RTN1: variants seen among roughly 807,000 people sequenced by gnomAD.
RTN1 encodes the protein reticulon-1.
A neutral mutation model predicts 65.5 loss-of-function variants in RTN1; 25 were observed. That is an observed-to-expected ratio of 0.38 (90% CI 0.28 to 0.53). The LOEUF is 0.53. RTN1 is among the 20% of genes least tolerant of loss of function. RTN1 has a pLI of 0.79. For synonymous variants in RTN1, 471 were observed against 447.6 expected (o/e 1.05, Z -0.66); for missense variants, 983 against 1,025.4 (o/e 0.96, Z 0.57).
chr14:59,631,454 C>T (rs1882553098), intron 3 of RTN1, among the ~76,000 whole-genome samples: 1 of 152,118 alleles, frequency 6.6e-6, no homozygotes, highest in Non-Finnish European at 1.5e-5. Flanking sequence ...TGGGATTGAC[C>T]ACTGGGGGGC....
Position 59,726,999 on chromosome 14 carries a change from T to G in RTN1, c.1685A>C (p.Gln562Pro). The G allele has an allele frequency of 6.8e-6, 11 of 1,613,512 alleles. No homozygotes were observed. Among genetic ancestry groups the G allele is most frequent in the Non-Finnish European group, 9.3e-6 (11 of 1,179,754 alleles). ...AGGGCCCTTTGTGGCCGCAGGACTTTGGTTGGAACTCGAGTCTTCTTCAGG... is the reference window on the plus strand; with the variant it reads ...AGGGCCCTTTGTGGCCGCAGGACTTGGGTTGGAACTCGAGTCTTCTTCAGG... ...RKPEEDSSSNQSPAATKGPGP... is the reference protein window; with the variant it reads ...RKPEEDSSSNPSPAATKGPGP... Residue 562 changes from glutamine (Q) to proline (P), a missense_variant, in exon 3 of 9, where the codon CAA becomes CCA. Around this residue, in one of 2 missense-constraint regions of RTN1, gnomAD observed 818 missense variants for 801.8 expected, o/e 1.02. Coordinates refer to ENST00000267484, the MANE Select transcript of RTN1 (RefSeq NM_021136.3).
At chr14:59,778,855 G>C (rs571530063) in intron 1 of RTN1, among the ~76,000 whole-genome samples, 1 of 152,278 alleles carries the variant, frequency 6.6e-6, no homozygotes, top group South Asian at 2.1e-4. Flanking sequence ...AGGAACACAG[G>C]TTATGAGGCT....
rs185446114 is a variant in RTN1 at position 59,854,502 on chromosome 14, G to A, written c.241+15888C>T. 1.2e-3 allele frequency among the ~76,000 whole-genome samples: 186 copies of A among 151,870 alleles called. 2 individuals are homozygous for A. Among genetic ancestry groups the A allele is most frequent in the African/African-American group, 4.4e-3 (181 of 41,438 alleles). On this transcript the variant is annotated intron_variant, in intron 1 of 8. Transcript: ENST00000267484. The stretch of plus-strand genomic sequence containing the variant: ...CTAAAAACACAAAAATTAGCTGGGT[G>A]TGGTGGCACCTGCCTGTAATCCCAG...
intron 1 of RTN1, among the ~76,000 whole-genome samples, chr14:59,808,280 T>C (rs527584383): frequency 1.3e-5 from 2 of 152,338 alleles, no homozygotes; most frequent in Non-Finnish European, 2.9e-5. Flanking sequence ...GCATTAAGTC[T>C]TACATAGAAA....
intron 3 of RTN1, among the ~76,000 whole-genome samples, chr14:59,614,516 CA>C (rs1375913300): frequency 6.6e-6 from 1 of 152,126 alleles, no homozygotes; most frequent in Non-Finnish European, 1.5e-5. Flanking sequence ...CCGTTTTGTT[CA>C]CGTGACTTTA....
chr14:59,785,961 A>G (rs1013190135), intron 1 of RTN1, among the ~76,000 whole-genome samples: 1 of 152,224 alleles, frequency 6.6e-6, no homozygotes, highest in Non-Finnish European at 1.5e-5. Context: ...CATCCATAAA[A>G]GCAGTTCCTT....
At chr14:59,656,492 T>C (rs1420311458) in intron 3 of RTN1, among the ~76,000 whole-genome samples, 1 of 152,256 alleles carries the variant, frequency 6.6e-6, no homozygotes, top group African/African-American at 2.4e-5. Flanking sequence ...ACTTGCCATC[T>C]TGGCCAGGGA....
At chr14:59,837,078 A>G (rs773451211) in intron 1 of RTN1, among the ~76,000 whole-genome samples, 1 of 151,986 alleles carries the variant, frequency 6.6e-6, no homozygotes, top group Non-Finnish European at 1.5e-5. Context: ...ATAATATAAC[A>G]TATCATCAAG....
intron 1 of RTN1, among the ~76,000 whole-genome samples, chr14:59,785,679 A>T (rs1213042992): frequency 2.0e-5 from 3 of 152,220 alleles, no homozygotes; most frequent in Non-Finnish European, 4.4e-5. Flanking sequence ...GATTTTTAAA[A>T]CTGCCACTGA....
At chr14:59,665,287 C>A (rs1344177474) in intron 3 of RTN1, among the ~76,000 whole-genome samples, 2 of 152,122 alleles carry the variant, frequency 1.3e-5, no homozygotes, top group Non-Finnish European at 2.9e-5. Context: ...GGCCAATATT[C>A]AACATTCTTA....
chr14:59,671,184 T>A (rs548752713), intron 3 of RTN1, among the ~76,000 whole-genome samples: 3 of 152,298 alleles, frequency 2.0e-5, no homozygotes, highest in African/African-American at 7.2e-5. Context: ...CAAAAAGTCA[T>A]ACTTGTGGAA....
At chr14:59,799,383 G>A (rs1217680580) in intron 1 of RTN1, among the ~76,000 whole-genome samples, 1 of 152,180 alleles carries the variant, frequency 6.6e-6, no homozygotes, top group African/African-American at 2.4e-5. Flanking sequence ...GGCAAATGTG[G>A]ATAATCTACA....
Position 59,607,295 on chromosome 14 carries a change from G to A in RTN1, c.1963C>T (p.His655Tyr). 1 of 1,613,802 alleles carries A rather than the reference G, an allele frequency of 6.2e-7. No homozygotes were observed. The highest frequency in any genetic ancestry group is 1.7e-5 in the Admixed American group (1 of 60,006). ...AGCTGAGGCACTCACTTGAAAGGGTGGCCTTCGTCGGTTTTCTGCACTGCT... is the reference window on the plus strand; with the variant it reads ...AGCTGAGGCACTCACTTGAAAGGGTAGCCTTCGTCGGTTTTCTGCACTGCT... Reference protein sequence around the residue: ...LQAVQKTDEGHPFKAYLELEI... With the variant: ...LQAVQKTDEGYPFKAYLELEI... Residue 655 changes from histidine to tyrosine, a missense_variant, in exon 4 of 9, where the codon CAC becomes TAC. Around this residue, in one of 2 missense-constraint regions of RTN1, gnomAD observed 165 missense variants for 223.6 expected, o/e 0.74. Coordinates refer to ENST00000267484, the MANE Select transcript of RTN1 (RefSeq NM_021136.3).
intron 1 of RTN1, among the ~76,000 whole-genome samples, chr14:59,783,052 C>T (rs1886185755): frequency 6.6e-6 from 1 of 152,142 alleles, no homozygotes; most frequent in Admixed American, 6.5e-5. Flanking sequence ...AGAAGGAAAG[C>T]TCAATCAATC....
intron 3 of RTN1, among the ~76,000 whole-genome samples, chr14:59,611,320 G>A (rs896017652): frequency 2.6e-5 from 4 of 152,280 alleles, no homozygotes; most frequent in South Asian, 2.1e-4. Context: ...TTGGACTGGC[G>A]GCTGACTCTG....
chr14:59,787,515 G>A (rs1566727010), intron 1 of RTN1, among the ~76,000 whole-genome samples: 3 of 152,228 alleles, frequency 2.0e-5, no homozygotes, highest in Admixed American at 1.3e-4. Flanking sequence ...AGTGATGCTA[G>A]TATTAGCAGC....
At chr14:59,743,850 C>T (rs1186350748) in intron 2 of RTN1, among the ~76,000 whole-genome samples, 2 of 152,172 alleles carry the variant, frequency 1.3e-5, no homozygotes, top group Non-Finnish European at 2.9e-5. Context: ...TGGATTGGGA[C>T]TGCTTCCTTG....
chr14:59,669,952 T>C (rs188984041), intron 3 of RTN1, among the ~76,000 whole-genome samples: 3 of 152,328 alleles, frequency 2.0e-5, no homozygotes, highest in African/African-American at 7.2e-5. Flanking sequence ...TTTTTGCTCA[T>C]TTCTCTCACC....
intron 5 of RTN1, chr14:59,604,712 T>C (rs1041069552): frequency 2.0e-5 from 3 of 152,276 alleles, no homozygotes; most frequent in Non-Finnish European, 2.9e-5. Context: ...GCACAGAAAC[T>C]TCACAACTAC....
Sources: allele counts gnomAD v4.1 joint callset (sites outside exome capture counted in the v4.1 genomes callset), GRCh38; gene constraint gnomAD v4.1.1; regional missense constraint gnomAD v4.1.1; transcripts MANE v1.5; gene names NCBI Gene and HGNC (gene_info 2026-07-23, HGNC 2026-07-21).